Variants in HDAC4 observed in about 807,000 individuals in gnomAD.
The protein encoded by HDAC4 is histone deacetylase 4, also known as histone deacetylase A.
A neutral mutation model predicts 135.1 loss-of-function variants in HDAC4; 16 were observed. That is an observed-to-expected ratio of 0.12 (90% CI 0.08 to 0.18). HDAC4 has a LOEUF of 0.18. HDAC4 is among the 10% of genes least tolerant of loss of function. The pLI, the probability that HDAC4 is intolerant of heterozygous loss-of-function variation, is 1.00. For synonymous variants in HDAC4, 685 were observed against 653.4 expected (o/e 1.05, Z -0.74); for missense variants, 1,143 against 1,511.8 (o/e 0.76, Z 4.05).
chr2:239,303,216 A>T lies in HDAC4; in HGVS notation c.22+49462T>A, dbSNP rs2052373726. Among the ~76,000 whole-genome samples, 1 of 152,184 alleles carries T rather than the reference A, an allele frequency of 6.6e-6. No individual in the cohort carries two copies. On this transcript the variant is annotated intron_variant, in intron 2 of 26. Transcript: ENST00000543185. This position sits in a 1 kb window ranked among gnomAD's most constrained non-coding sequence, Gnocchi z 5.1. ...CACACCCGGCTGCTCAGGCCTGGGG[A>T]CAGGAGGGCACAGGGACAGGCCTGG... is the stretch of plus-strand genomic sequence containing the variant.
Position 239,081,133 on chromosome 2 carries a change from GT to G in HDAC4, c.2711del (p.Asp904AlafsTer58). The G allele has an allele frequency of 6.2e-7, 1 of 1,613,984 alleles. No homozygotes were observed. On this transcript the variant is annotated frameshift_variant, in exon 22 of 27. Coordinates refer to ENST00000543185, the MANE Select transcript of HDAC4 (RefSeq NM_001378414.1). LOFTEE classifies it high-confidence loss of function. ...NVNMAFTGGL[D>X]PPMGDAEYLA... ...AGTACTCAGCGTCTCCCATGGGGGG[GT>G]CCAGGCCGCCGGTGAAAGCCATGTT... is the stretch of plus-strand genomic sequence containing the variant.
chr2:239,302,556 C>G (rs1391251354), intron 2 of HDAC4, among the ~76,000 whole-genome samples: 1 of 152,224 alleles, frequency 6.6e-6, no homozygotes, highest in Non-Finnish European at 1.5e-5. Context: ...ACCAAGCACT[C>G]CAAACACTGC....
intron 12 of HDAC4, among the ~76,000 whole-genome samples, chr2:239,121,839 TTCTC>T (rs149473881): frequency 4.0e-5 from 6 of 151,740 alleles, no homozygotes; most frequent in Non-Finnish European, 8.8e-5. Flanking sequence ...CAAAGCCTGC[TTCTC>T]TCTCTCTCTC....
At chr2:239,067,662 C>T (rs1341292169) in intron 23 of HDAC4, among the ~76,000 whole-genome samples, 1 of 152,204 alleles carries the variant, frequency 6.6e-6, no homozygotes, top group Non-Finnish European at 1.5e-5. Context: ...CACTAGGCTG[C>T]ACGGCCTGGT....
intron 4 of HDAC4, among the ~76,000 whole-genome samples, chr2:239,188,656 C>T (rs541378359): frequency 2.0e-4 from 30 of 152,362 alleles, no homozygotes; most frequent in African/African-American, 4.6e-4. Context: ...ACATGCCCTA[C>T]GTGCGACCCA....
Position 239,285,501 on chromosome 2 carries a change from G to A in HDAC4, c.23-48837C>T, listed in dbSNP as rs910714401. Reference sequence around the variant, plus strand: ...GGCTGCCAGCAAGTGTCTCCGCCGCGGGACCTGTCATCCCAGCTGGTGGGG... The same window carrying A: ...GGCTGCCAGCAAGTGTCTCCGCCGCAGGACCTGTCATCCCAGCTGGTGGGG... On this transcript the variant is annotated intron_variant, in intron 2 of 26. Coordinates refer to ENST00000543185, the MANE Select transcript of HDAC4 (RefSeq NM_001378414.1). The surrounding 1 kb of genome is among the most constrained non-coding windows in gnomAD (Gnocchi z 4.5). Among the ~76,000 whole-genome samples the A allele has an allele frequency of 8.5e-5, 13 of 152,220 alleles. No homozygotes were observed. The South Asian group carries it at 1.7e-3, about 19-fold the overall frequency.
At chr2:239,164,234 C>T (rs2042991996) in intron 5 of HDAC4, among the ~76,000 whole-genome samples, 2 of 152,244 alleles carry the variant, frequency 1.3e-5, no homozygotes, top group South Asian at 4.1e-4. Context: ...TAAAAGAACA[C>T]TCTGAATTAG....
intron 12 of HDAC4, among the ~76,000 whole-genome samples, chr2:239,122,588 C>A (rs530368333): frequency 6.6e-6 from 1 of 152,182 alleles, no homozygotes; most frequent in Non-Finnish European, 1.5e-5. Context: ...GCCACCATCC[C>A]GACCACAGGC....
rs2033748957 is a variant in HDAC4, at chr2:239,068,033, A to G, written c.2869+456T>C. ...CTCCCATCCTGACAGCATGGCCCCT[A>G]ACGCTGATCCTGAGAGGACACACAC... On this transcript the variant is annotated intron_variant, in intron 23 of 26. Transcript: ENST00000543185. This position sits in a 1 kb window ranked among gnomAD's most constrained non-coding sequence, Gnocchi z 4.4. 6.6e-6 allele frequency among the ~76,000 whole-genome samples: 1 copy of G among 152,170 alleles called. No individual in the cohort carries two copies. Among genetic ancestry groups the G allele is most frequent in the Admixed American group, 6.5e-5 (1 of 15,276 alleles).
chr2:239,119,235 G>C (rs1348387735), intron 12 of HDAC4, among the ~76,000 whole-genome samples: 1 of 152,214 alleles, frequency 6.6e-6, no homozygotes, highest in Non-Finnish European at 1.5e-5. Context: ...GGAGAGCAAA[G>C]AACAAAGAAT....
At chr2:239,254,502 G>T (rs951184803) in intron 2 of HDAC4, among the ~76,000 whole-genome samples, 3 of 151,334 alleles carry the variant, frequency 2.0e-5, no homozygotes, top group South Asian at 2.1e-4. Flanking sequence ...TTTTTAAAAA[G>T]AATTAAGTGA....
intron 2 of HDAC4, among the ~76,000 whole-genome samples, chr2:239,287,120 T>C (rs1012357441): frequency 8.5e-5 from 13 of 152,268 alleles, no homozygotes; most frequent in Admixed American, 8.5e-4. Flanking sequence ...GGATGGGGCA[T>C]GCGTCACACT....
At chr2:239,246,484 C>T (rs2048467392) in intron 2 of HDAC4, among the ~76,000 whole-genome samples, 1 of 152,170 alleles carries the variant, frequency 6.6e-6, no homozygotes, top group Admixed American at 6.5e-5. Flanking sequence ...GTCCTGGCAC[C>T]GAGCATAGAG....
chr2:239,193,792 T>G (rs965366339), intron 3 of HDAC4, among the ~76,000 whole-genome samples: 56 of 152,394 alleles, frequency 3.7e-4, no homozygotes, highest in African/African-American at 1.3e-3. Flanking sequence ...AGTGGAATTT[T>G]CTTTCTTCAA....
chr2:239,053,137 CTG>C lies in HDAC4; in HGVS notation c.3231-3_3231-2del. ...CTCTTCCATGGGCTCCTCATCTGGT[CTG>C]TGGATCCCGCAAGAGAAGGAGATGG... On this transcript the variant is annotated splice_acceptor_variant and splice_polypyrimidine_tract_variant and intron_variant, in intron 26 of 26. Coordinates refer to ENST00000543185, the MANE Select transcript of HDAC4 (RefSeq NM_001378414.1). LOFTEE classifies it high-confidence loss of function. 1 of 1,614,196 alleles carries C rather than the reference CTG, an allele frequency of 6.2e-7. No homozygotes were observed. Among genetic ancestry groups the C allele is most frequent in the Non-Finnish European group, 8.5e-7 (1 of 1,180,020 alleles).
At chr2:239,222,440 T>C (rs2047009123) in intron 3 of HDAC4, among the ~76,000 whole-genome samples, 1 of 136,178 alleles carries the variant, frequency 7.3e-6, no homozygotes, top group Admixed American at 8.1e-5. Context: ...GAGCTGAAAA[T>C]AAAAACCTGG....
intron 7 of HDAC4, chr2:239,155,640 T>C (rs1158609202): frequency 2.0e-5 from 3 of 152,454 alleles, no homozygotes; most frequent in Admixed American, 2.0e-4. Flanking sequence ...CAAAGCCTCA[T>C]TGTTCCAGTG....
intron 2 of HDAC4, among the ~76,000 whole-genome samples, chr2:239,277,672 G>A (rs1291624069): frequency 6.6e-6 from 1 of 152,188 alleles, no homozygotes; most frequent in Non-Finnish European, 1.5e-5. Context: ...CAGCCGCCCA[G>A]CCTGGTGTAG....
rs949727151 is a variant in HDAC4 at position 239,050,050 on chromosome 2, G to T, written c.*3047C>A. 6.5e-6 allele frequency: 1 copy of T among 152,678 alleles called. No individual in the cohort carries two copies. The highest frequency in any genetic ancestry group is 6.5e-5 in the Admixed American group (1 of 15,286). The allele number at this position is 152,678 out of a possible 1,614,324, so 9.5% of individuals were successfully genotyped here. ...CCTCCCTGACGTGGTCCCGCCTGCA[G>T]ACGCCGAGGCAGATCCTCTGCCATC... is the stretch of plus-strand genomic sequence containing the variant. On this transcript the variant is annotated 3_prime_UTR_variant, in exon 27 of 27. Transcript: ENST00000543185.
Sources: allele counts gnomAD v4.1 joint callset (sites outside exome capture counted in the v4.1 genomes callset), GRCh38; gene constraint gnomAD v4.1.1; non-coding constraint Gnocchi (gnomAD v3.1); transcripts MANE v1.5; gene names NCBI Gene and HGNC (gene_info 2026-07-23, HGNC 2026-07-21).